KRABD3: variants seen among roughly 807,000 people sequenced by gnomAD.
KRABD3 encodes the protein KRAB domain containing 3, also known as KRAB domain-containing protein 3.
At chr7:149,729,821 G>C in the KRABD3 span, 1 of 985,448 alleles carries the variant, frequency 1.0e-6, no homozygotes, top group Non-Finnish European at 1.2e-6. Flanking sequence ...CTGGGGTGCA[G>C]GGATGGCACC....
chr7:149,725,312 C>G, the KRABD3 span: 2 of 1,576,976 alleles, frequency 1.3e-6, no homozygotes, highest in African/African-American at 2.7e-5. Flanking sequence ...TCTCCTGTTC[C>G]AGCTGCCAGT....
chr7:149,725,337 G>C, the KRABD3 span: 23 of 1,596,506 alleles, frequency 1.4e-5, no homozygotes, highest in Non-Finnish European at 1.9e-5. Context: ...CAAGCTCACC[G>C]CTGGAAGCCC....
At chr7:149,722,276 A>G in the KRABD3 span, 1 of 1,078,262 alleles carries the variant, frequency 9.3e-7, no homozygotes, top group Non-Finnish European at 1.3e-6. Flanking sequence ...GTTAAACCAG[A>G]AAGAAACGGT....
the KRABD3 span, among the ~76,000 whole-genome samples, chr7:149,717,695 G>C: frequency 6.6e-6 from 1 of 152,146 alleles, no homozygotes; most frequent in Admixed American, 6.5e-5. Flanking sequence ...TGCCAGGGGT[G>C]TAGATGCAGC....
At chr7:149,715,413 A>G in the KRABD3 span, 38 of 1,019,188 alleles carry the variant, frequency 3.7e-5, no homozygotes, top group African/African-American at 6.1e-4. Flanking sequence ...GGGACGTGGA[A>G]ATGGGGAGAA....
chr7:149,721,550 G>C, the KRABD3 span: 1 of 1,609,236 alleles, frequency 6.2e-7, no homozygotes, highest in East Asian at 2.2e-5. Flanking sequence ...GTCTGACACA[G>C]CAGGGACAGG....
At chr7:149,733,322 C>A in the KRABD3 span, 1 of 1,612,486 alleles carries the variant, frequency 6.2e-7, no homozygotes, top group Non-Finnish European at 8.5e-7. Context: ...CTCCTCCCTG[C>A]AGCCGCCATG....
the KRABD3 span, chr7:149,731,719 A>T: frequency 1.3e-5 from 21 of 1,612,392 alleles, no homozygotes; most frequent in Non-Finnish European, 1.8e-5. Flanking sequence ...GAAAAGGCCC[A>T]GGGTTAGTGA....
At chr7:149,715,343 G>A in the KRABD3 span, 1 of 1,201,582 alleles carries the variant, frequency 8.3e-7, no homozygotes, top group Middle Eastern at 3.3e-4. Flanking sequence ...TGAAGGCCTC[G>A]GAGGCAGTGA....
the KRABD3 span, chr7:149,723,695 C>T: frequency 6.3e-7 from 1 of 1,595,846 alleles, no homozygotes; most frequent in Non-Finnish European, 8.6e-7. Context: ...AGGCTGAGGA[C>T]ACTGAGCTCC....
chr7:149,717,361 C>T, the KRABD3 span, among the ~76,000 whole-genome samples: 1 of 152,244 alleles, frequency 6.6e-6, no homozygotes, highest in African/African-American at 2.4e-5. Flanking sequence ...GGAAGCCAGC[C>T]TGAGCCCTCC....
the KRABD3 span, chr7:149,725,975 C>G: frequency 6.2e-7 from 1 of 1,609,814 alleles, no homozygotes; most frequent in South Asian, 1.1e-5. Flanking sequence ...GAGGAACCCC[C>G]ACCAGCTTCT....
At chr7:149,722,570 C>T in the KRABD3 span, 2 of 1,430,510 alleles carry the variant, frequency 1.4e-6, no homozygotes, top group Non-Finnish European at 1.9e-6. Context: ...GGCGGGCTTT[C>T]CTTAGTGGGG....
At chr7:149,722,265 A>G in the KRABD3 span, 1 of 455,904 alleles carries the variant, frequency 2.2e-6, no homozygotes, top group South Asian at 9.3e-5. Flanking sequence ...TGCTGTTTCC[A>G]GTTAAACCAG....
At chr7:149,715,279 G>T in the KRABD3 span, 5 of 1,221,136 alleles carry the variant, frequency 4.1e-6, no homozygotes, top group Admixed American at 8.6e-5. Flanking sequence ...TCCACCTGGG[G>T]AAACCCCCTT....
At chr7:149,729,230 G>T in the KRABD3 span, 21 of 1,597,782 alleles carry the variant, frequency 1.3e-5, no homozygotes, top group Non-Finnish European at 1.7e-5. Context: ...CTCGGGCAGG[G>T]TAGGGGAGAA....
chr7:149,717,030 G>A, the KRABD3 span, among the ~76,000 whole-genome samples: 1 of 152,134 alleles, frequency 6.6e-6, no homozygotes, highest in African/African-American at 2.4e-5. Flanking sequence ...GGCTCCTGAG[G>A]CTAGGCCCCA....
the KRABD3 span, chr7:149,730,514 C>G: frequency 6.2e-7 from 1 of 1,611,334 alleles, no homozygotes; most frequent in Non-Finnish European, 8.5e-7. Context: ...TGGCGGCAGC[C>G]CTGGTGAAGA....
chr7:149,729,290 GC>G, the KRABD3 span: 2 of 1,603,034 alleles, frequency 1.2e-6, no homozygotes, highest in Non-Finnish European at 1.7e-6. Context: ...TTCACCTCCA[GC>G]TGCGTCCCCG....
Sources: gnomAD v4.1 joint callset for allele counts (sites outside exome capture counted in the v4.1 genomes callset) on GRCh38, gnomAD v4.1.1 for gene constraint, MANE v1.5 for transcripts, NCBI Gene and HGNC (gene_info 2026-07-23, HGNC 2026-07-21) for gene names.